TF: variants seen among roughly 807,000 people sequenced by gnomAD.
The protein encoded by TF is transferrin, also known as serotransferrin.
A neutral mutation model predicts 82.4 loss-of-function variants in TF; 55 were observed. The ratio of observed to expected loss-of-function variants is 0.67; its 90% CI spans 0.54 to 0.84. The LOEUF is 0.84. TF is among the 40% of genes least tolerant of loss of function. TF has a pLI of 0.00. For synonymous variants in TF, 332 were observed against 332.6 expected (o/e 1.00, Z 0.02); for missense variants, 737 against 868.4 (o/e 0.85, Z 1.90).
chr3:133,747,300 G>A (rs1933529736), intron 1 of TF: 1 of 152,372 alleles, frequency 6.6e-6, no homozygotes, highest in Non-Finnish European at 1.5e-5. Context: ...GCTCCACTGA[G>A]GACACATTCT....
chr3:133,764,366 C>A, intron 10 of TF, 91 bp downstream of exon 10: 1 of 1,113,756 alleles, frequency 9.0e-7, no homozygotes. Context: ...CATACCACAG[C>A]TGCCATAAAG....
the TF span, among the ~76,000 whole-genome samples, chr3:133,707,055 A>G: frequency 6.6e-6 from 1 of 152,326 alleles, no homozygotes; most frequent in South Asian, 2.1e-4. Flanking sequence ...AGTAGTTGAC[A>G]TATTCAGAAA....
At chr3:133,736,789 C>T in the TF span, among the ~76,000 whole-genome samples, 47,295 of 151,502 alleles carry the variant, frequency 0.31, 7,581 homozygotes, top group East Asian at 0.41. Context: ...TATATATGCA[C>T]CCAATACAGG....
At chr3:133,679,065 G>A in the TF span, among the ~76,000 whole-genome samples, 1 of 152,036 alleles carries the variant, frequency 6.6e-6, no homozygotes, top group African/African-American at 2.4e-5. Context: ...TAGAGATGGG[G>A]TTTCACCATG....
the TF span, among the ~76,000 whole-genome samples, chr3:133,733,654 TAGA>T: frequency 1.2e-4 from 18 of 152,314 alleles, no homozygotes; most frequent in Middle Eastern, 3.4e-3. Flanking sequence ...GTCCCAGTTG[TAGA>T]AGAAGGACTG....
At chr3:133,677,268 T>C in the TF span, among the ~76,000 whole-genome samples, 4 of 152,252 alleles carry the variant, frequency 2.6e-5, no homozygotes, top group African/African-American at 9.6e-5. Flanking sequence ...ATATGGCCAG[T>C]GCTTTTAGTG....
At chr3:133,722,682 C>T in the TF span, among the ~76,000 whole-genome samples, 102 of 152,214 alleles carry the variant, frequency 6.7e-4, no homozygotes, top group Non-Finnish European at 1.2e-3. Flanking sequence ...TTTTCCTTCC[C>T]ACAGTTAATA....
chr3:133,775,354 A>G (rs1934359098), intron 14 of TF, 79 bp from the exon 15 acceptor site: 1 of 1,474,946 alleles, frequency 6.8e-7, no homozygotes, highest in African/African-American at 1.4e-5. Context: ...TTCTCTACAC[A>G]CCACTGAGTC....
chr3:133,681,599 A>T, the TF span, among the ~76,000 whole-genome samples: 3 of 152,094 alleles, frequency 2.0e-5, no homozygotes, highest in Middle Eastern at 3.2e-3. Flanking sequence ...AGCCTCGCTC[A>T]TTGCTAGCAC....
chr3:133,748,025 G>A, intron 1 of TF: 1 of 218,462 alleles, frequency 4.6e-6, no homozygotes, highest in Non-Finnish European at 9.4e-6. Context: ...AGTTGAGGTA[G>A]CAAGCCAATG....
intron 12 of TF, among the ~76,000 whole-genome samples, chr3:133,767,737 C>T (rs1447301540): frequency 6.6e-6 from 1 of 152,174 alleles, no homozygotes; most frequent in Non-Finnish European, 1.5e-5. Flanking sequence ...TTTTCTGTTC[C>T]CTTTCATGAC....
intron 12 of TF, 65 bp from the exon 13 acceptor site, chr3:133,767,964 C>A: frequency 6.2e-7 from 1 of 1,601,162 alleles, no homozygotes. Flanking sequence ...GCCCTGTTAT[C>A]TCTTAAATAA....
Position 133,783,534 on chromosome 3 carries a change from A to G in TF, c.*4914A>G, listed in dbSNP as rs1211407814. 1 of 152,218 alleles carries G rather than the reference A, an allele frequency of 6.6e-6. No individual in the cohort carries two copies. The highest frequency in any genetic ancestry group is 1.5e-5 in the Non-Finnish European group (1 of 68,032). 9.4% of individuals were successfully genotyped at this position (152,218 alleles called of 1,614,324 possible). A position where few individuals can be genotyped will look rare whatever the true frequency, so the allele number is the denominator to read the frequency against. On this transcript the variant is annotated 3_prime_UTR_variant, in exon 17 of 17. Transcript: ENST00000402696. ...AACATATTTCTTATATAGTACTTAG[A>G]TTTTCCAACATTCCACAAACCTAGT...
In TF at chr3:133,786,310, T is replaced by C. The variant is rs1470433053; in HGVS notation, c.*7690T>C. 1 of 152,150 alleles carries C rather than the reference T, an allele frequency of 6.6e-6. No individual in the cohort carries two copies. The highest frequency in any genetic ancestry group is 1.5e-5 in the Non-Finnish European group (1 of 68,040). 9.4% of individuals were successfully genotyped at this position (152,150 alleles called of 1,614,324 possible). A position where few individuals can be genotyped will look rare whatever the true frequency, so the allele number is the denominator to read the frequency against. On this transcript the variant is annotated 3_prime_UTR_variant, in exon 17 of 17. Transcript: ENST00000402696. ...ATGCCTATGTTAAAATTAGAGATAG[T>C]AAAATAACACATTTTGTAAATCTTT...
the TF span, among the ~76,000 whole-genome samples, chr3:133,669,813 T>C: frequency 6.6e-6 from 1 of 152,238 alleles, no homozygotes; most frequent in Non-Finnish European, 1.5e-5. Flanking sequence ...TGTTAAACCA[T>C]TAAGATTTTG....
the TF span, among the ~76,000 whole-genome samples, chr3:133,724,815 C>T: frequency 6.6e-6 from 1 of 152,194 alleles, no homozygotes. Flanking sequence ...TTTAATCCAT[C>T]TTGAATTAAT....
At chr3:133,682,923 G>C in the TF span, among the ~76,000 whole-genome samples, 2 of 152,190 alleles carry the variant, frequency 1.3e-5, no homozygotes, top group Admixed American at 1.3e-4. Context: ...AAGTTGAAAT[G>C]AGGGAAAAAA....
At chr3:133,769,356 A>C (rs748335116) in intron 13 of TF, among the ~76,000 whole-genome samples, 4 of 152,222 alleles carry the variant, frequency 2.6e-5, no homozygotes, top group African/African-American at 4.8e-5. Flanking sequence ...CTTAAAATAG[A>C]GTTCCCCTTT....
the TF span, among the ~76,000 whole-genome samples, chr3:133,716,080 C>A: frequency 2.0e-5 from 3 of 152,206 alleles, no homozygotes; most frequent in Non-Finnish European, 4.4e-5. Flanking sequence ...CCTGACACTG[C>A]ACCTCAGTCT....
Sources: gnomAD v4.1 joint callset for allele counts (sites outside exome capture counted in the v4.1 genomes callset) on GRCh38, gnomAD v4.1.1 for gene constraint, MANE v1.5 for transcripts, NCBI Gene and HGNC (gene_info 2026-07-23, HGNC 2026-07-21) for gene names.